ZFAT: variants seen among roughly 807,000 people sequenced by gnomAD.
ZFAT encodes the protein zinc finger protein ZFAT.
Under a neutral mutation model 117.7 loss-of-function variants are expected in ZFAT, and 64 were observed. The observed-to-expected ratio is 0.54, with a 90% CI of 0.44 to 0.67. ZFAT has a LOEUF of 0.67. Ranked by LOEUF, ZFAT falls within the 30% of genes least tolerant of loss-of-function variation. The probability of loss-of-function intolerance (pLI) is 0.00; values close to 1 mark genes in which losing one functional copy is unlikely to be tolerated. For missense variants in ZFAT, 1,433 were observed against 1,584.5 expected, an observed-to-expected ratio of 0.90 and a Z score of 1.62; for synonymous variants, 679 against 615.0, an observed-to-expected ratio of 1.10 and a Z score of -1.54.
At chr8:134,709,822 GAGAAGC>G (rs1402465076) in intron 1 of ZFAT, among the ~76,000 whole-genome samples, 1 of 152,180 alleles carries the variant, frequency 6.6e-6, no homozygotes. Context: ...GGAGGCAAAT[GAGAAGC>G]CCACTGAGAA....
the ZFAT span, among the ~76,000 whole-genome samples, chr8:134,821,639 G>C: frequency 1.3e-5 from 2 of 152,016 alleles, no homozygotes; most frequent in African/African-American, 4.8e-5. Context: ...GAGTTATTGT[G>C]TACAAGAATA....
At chr8:134,652,190 C>A (rs1055626888) in intron 2 of ZFAT, among the ~76,000 whole-genome samples, 1 of 152,114 alleles carries the variant, frequency 6.6e-6, no homozygotes, top group East Asian at 1.9e-4. Context: ...TGGCTTGAAC[C>A]CAGGAGGTGG....
chr8:134,709,282 G>C (rs1398334351), intron 1 of ZFAT, among the ~76,000 whole-genome samples: 1 of 152,220 alleles, frequency 6.6e-6, no homozygotes, highest in African/African-American at 2.4e-5. Context: ...CTGTACACTG[G>C]GAAGTCTGGT....
chr8:134,614,648 T>C (rs1828591037), intron 3 of ZFAT, among the ~76,000 whole-genome samples: 4 of 152,112 alleles, frequency 2.6e-5, no homozygotes, highest in Admixed American at 6.5e-5. Context: ...AGCCAGACAA[T>C]GAAGAAGACC....
intron 3 of ZFAT, among the ~76,000 whole-genome samples, chr8:134,617,622 C>T (rs191315648): frequency 7.2e-5 from 11 of 152,244 alleles, no homozygotes; most frequent in Non-Finnish European, 1.0e-4. Context: ...AGTTATCACG[C>T]GACCATCTCA....
the ZFAT span, chr8:134,723,179 A>G: frequency 6.6e-6 from 1 of 152,254 alleles, no homozygotes; most frequent in Non-Finnish European, 1.5e-5. Context: ...CACTGCTCCA[A>G]TCCCTGGAGT....
At chr8:134,540,404 T>C (rs1048802105) in intron 11 of ZFAT, among the ~76,000 whole-genome samples, 15 of 152,236 alleles carry the variant, frequency 9.9e-5, no homozygotes, top group Admixed American at 8.5e-4. Context: ...CCCTGTCTAA[T>C]GTGGTCATCT....
At chr8:134,761,858 C>T in the ZFAT span, among the ~76,000 whole-genome samples, 1 of 152,220 alleles carries the variant, frequency 6.6e-6, no homozygotes, top group South Asian at 2.1e-4. Context: ...TTGGGGAGCT[C>T]CACTTCAGGT....
At chr8:134,751,690 G>A in the ZFAT span, among the ~76,000 whole-genome samples, 1 of 152,190 alleles carries the variant, frequency 6.6e-6, no homozygotes, top group Non-Finnish European at 1.5e-5. Context: ...GGGGGAATGT[G>A]AAGGCAGTTG....
At chr8:134,672,217 C>A (rs2131267630) in intron 1 of ZFAT, among the ~76,000 whole-genome samples, 1 of 152,338 alleles carries the variant, frequency 6.6e-6, no homozygotes, top group South Asian at 2.1e-4. Context: ...CCCCATCAAG[C>A]TACCAATGAC....
At chr8:134,831,184 A>T in the ZFAT span, among the ~76,000 whole-genome samples, 9 of 152,308 alleles carry the variant, frequency 5.9e-5, no homozygotes, top group South Asian at 1.7e-3. Context: ...GGAGCCTGAC[A>T]CCTGAAACTC....
At chr8:134,540,286 C>T (rs1292583551) in intron 11 of ZFAT, among the ~76,000 whole-genome samples, 2 of 152,188 alleles carry the variant, frequency 1.3e-5, no homozygotes, top group Non-Finnish European at 2.9e-5. Context: ...GAGTCTGGAA[C>T]TCGATCTCCT....
the ZFAT span, among the ~76,000 whole-genome samples, chr8:134,808,074 A>T: frequency 1.4e-4 from 22 of 152,206 alleles, no homozygotes; most frequent in Non-Finnish European, 5.9e-5. Flanking sequence ...TGATAATTCT[A>T]TTTTACAGAT....
the ZFAT span, chr8:134,794,969 C>A: frequency 6.6e-6 from 1 of 152,098 alleles, no homozygotes; most frequent in African/African-American, 2.4e-5. Flanking sequence ...AACCTGATAG[C>A]CACCATTTTT....
At chr8:134,627,017 G>T (rs1347348089) in intron 3 of ZFAT, among the ~76,000 whole-genome samples, 1 of 152,170 alleles carries the variant, frequency 6.6e-6, no homozygotes, top group Admixed American at 6.5e-5. Flanking sequence ...AGCTCTGCCT[G>T]CACAAAAGAA....
intron 11 of ZFAT, among the ~76,000 whole-genome samples, chr8:134,556,075 G>GGAAA (rs200957859): frequency 1.1e-5 from 1 of 89,498 alleles, no homozygotes; most frequent in South Asian, 4.9e-4. Flanking sequence ...AAGGAAGGAA[G>GGAAA]GGAAGGAAGG....
chr8:134,741,603 T>C, the ZFAT span, among the ~76,000 whole-genome samples: 1 of 152,170 alleles, frequency 6.6e-6, no homozygotes, highest in African/African-American at 2.4e-5. Context: ...GTTCTCACCA[T>C]ACACAGTCTT....
At chr8:134,687,111 C>A (rs1409554615) in intron 1 of ZFAT, among the ~76,000 whole-genome samples, 2 of 152,170 alleles carry the variant, frequency 1.3e-5, no homozygotes, top group African/African-American at 2.4e-5. Flanking sequence ...CTCCCCTGCC[C>A]ATAAATCATC....
intron 7 of ZFAT, among the ~76,000 whole-genome samples, chr8:134,590,605 C>A (rs1826401982): frequency 6.6e-6 from 1 of 151,066 alleles, no homozygotes; most frequent in African/African-American, 2.4e-5. Flanking sequence ...ACCACCAGCA[C>A]TATCAATAGT....
Sources: allele counts gnomAD v4.1 joint callset (sites outside exome capture counted in the v4.1 genomes callset), GRCh38; gene constraint gnomAD v4.1.1; transcripts MANE v1.5; gene names NCBI Gene and HGNC (gene_info 2026-07-23, HGNC 2026-07-21).